Variants in SIM2 observed in about 807,000 individuals in gnomAD.
The protein encoded by SIM2 is SIM bHLH transcription factor 2.
Under a neutral mutation model 64.8 loss-of-function variants are expected in SIM2, and 28 were observed. The ratio of observed to expected loss-of-function variants is 0.43; its 90% CI spans 0.32 to 0.59. The LOEUF is 0.59. SIM2 is among the 20% of genes least tolerant of loss of function. SIM2 has a pLI of 0.07. For synonymous variants in SIM2, 408 were observed against 391.1 expected, an observed-to-expected ratio of 1.04 and a Z score of -0.51; for missense variants, 847 against 871.4, an observed-to-expected ratio of 0.97 and a Z score of 0.35.
intron 7 of SIM2, among the ~76,000 whole-genome samples, chr21:36,734,652 C>T (rs963568640): frequency 1.3e-5 from 2 of 152,162 alleles, no homozygotes; most frequent in Non-Finnish European, 2.9e-5. Context: ...TTGGTTCCAG[C>T]GTGGGAACCA....
At chr21:36,730,992 T>A (rs2088959277) in intron 6 of SIM2, 53 bp from the exon 7 acceptor site, 1 of 1,301,832 alleles carries the variant, frequency 7.7e-7, no homozygotes, top group South Asian at 1.2e-5. Context: ...TTAGTTTAAA[T>A]GAAAGGCAGT....
At chr21:36,700,207 A>G (rs549495410) in intron 1 of SIM2, among the ~76,000 whole-genome samples, 3 of 152,108 alleles carry the variant, frequency 2.0e-5, no homozygotes, top group African/African-American at 7.2e-5. Flanking sequence ...ACGGCCAGCG[A>G]GTTCTTTCTG....
intron 1 of SIM2, among the ~76,000 whole-genome samples, chr21:36,707,188 C>T (rs1314491039): frequency 6.6e-6 from 1 of 152,258 alleles, no homozygotes; most frequent in African/African-American, 2.4e-5. Context: ...GGACAGCTGC[C>T]AGGGTGCCTT....
intron 7 of SIM2, among the ~76,000 whole-genome samples, chr21:36,740,858 A>G (rs1236420080): frequency 6.6e-6 from 1 of 152,186 alleles, no homozygotes; most frequent in African/African-American, 2.4e-5. Flanking sequence ...GAGAAGCAGG[A>G]ATGTTCTGGA....
chr21:36,715,942 G>A (rs944350872), intron 3 of SIM2, among the ~76,000 whole-genome samples: 15 of 151,922 alleles, frequency 9.9e-5, no homozygotes, highest in African/African-American at 3.6e-4. Flanking sequence ...AGTGATTGTT[G>A]CTGCCAAACT....
Position 36,738,002 on chromosome 21 carries a change from A to C in SIM2, c.851-3715A>C, listed in dbSNP as rs115458802. Among the ~76,000 whole-genome samples, 1,155 of 150,476 alleles carry C rather than the reference A, an allele frequency of 7.7e-3. 19 individuals are homozygous for C. The highest frequency in any genetic ancestry group is 0.026 in the African/African-American group (1,072 of 41,022). On this transcript the variant is annotated intron_variant, in intron 7 of 10. Transcript: ENST00000290399. ...AAAAAAGCAAAAAAAAAGCAAAAAG[A>C]AAAAAGCATGGGGCCATATTCCTAA...
At chr21:36,727,481 C>T (rs1226385962) in intron 6 of SIM2, among the ~76,000 whole-genome samples, 2 of 152,236 alleles carry the variant, frequency 1.3e-5, no homozygotes, top group African/African-American at 2.4e-5. Context: ...AGGCCACGTG[C>T]TAGTCAGGCC....
At chr21:36,740,834 G>T (rs2089150332) in intron 7 of SIM2, among the ~76,000 whole-genome samples, 1 of 152,214 alleles carries the variant, frequency 6.6e-6, no homozygotes, top group African/African-American at 2.4e-5. Flanking sequence ...AGGTCCAGGG[G>T]CCAGTCCTGC....
chr21:36,707,175 A>G (rs1380387228), intron 1 of SIM2, among the ~76,000 whole-genome samples: 1 of 152,262 alleles, frequency 6.6e-6, no homozygotes, highest in East Asian at 1.9e-4. Flanking sequence ...GCAGCAGAGA[A>G]AAGGACAGCT....
intron 1 of SIM2, among the ~76,000 whole-genome samples, chr21:36,706,315 C>A (rs992242078): frequency 1.3e-5 from 2 of 152,210 alleles, no homozygotes; most frequent in African/African-American, 4.8e-5. Flanking sequence ...AGCACAGCGT[C>A]CCCACAGGTC....
At chr21:36,713,648 G>A (rs973770192) in intron 3 of SIM2, among the ~76,000 whole-genome samples, 3 of 152,186 alleles carry the variant, frequency 2.0e-5, no homozygotes, top group Non-Finnish European at 4.4e-5. Flanking sequence ...AAAACATGCC[G>A]ATTAATGTGG....
rs756229321 is a variant in SIM2 at position 36,743,446 on chromosome 21, A to C, written c.1058A>C (p.Gln353Pro). 6.2e-7 allele frequency: 1 copy of C among 1,614,104 alleles called. No homozygotes were observed. The highest frequency in any genetic ancestry group is 8.5e-7 in the Non-Finnish European group (1 of 1,179,958). Residue 353 changes from glutamine (Q) to proline (P), a missense_variant, in exon 9 of 11, where the codon CAG becomes CCG. Coordinates refer to ENST00000290399, the MANE Select transcript of SIM2 (RefSeq NM_005069.6). The stretch of plus-strand genomic sequence containing the variant: ...GAGCAGGTGTCCACTGCCAAGTCCC[A>C]GGACTCCTGGAGGACCGCCTTGTCT... The part of the protein sequence containing the change: ...SLEQVSTAKS[Q>P]DSWRTALSTS...
At chr21:36,739,575 A>G (rs372372769) in intron 7 of SIM2, among the ~76,000 whole-genome samples, 5 of 152,164 alleles carry the variant, frequency 3.3e-5, no homozygotes, top group Admixed American at 6.5e-5. Flanking sequence ...CAATATTGCA[A>G]TGAAACCCTT....
intron 7 of SIM2, among the ~76,000 whole-genome samples, chr21:36,739,224 T>C (rs1031347138): frequency 2.6e-5 from 4 of 152,232 alleles, no homozygotes; most frequent in Admixed American, 6.5e-5. Flanking sequence ...AAATAGATCA[T>C]CTAATCTTTC....
intron 7 of SIM2, among the ~76,000 whole-genome samples, chr21:36,736,313 C>T (rs1284983879): frequency 6.6e-6 from 1 of 152,066 alleles, no homozygotes; most frequent in East Asian, 1.9e-4. Context: ...CTCGCTTTCC[C>T]CACACCGGTA....
intron 1 of SIM2, among the ~76,000 whole-genome samples, chr21:36,703,482 C>T (rs2088535206): frequency 5.3e-5 from 8 of 152,182 alleles, no homozygotes; most frequent in Admixed American, 5.2e-4. Flanking sequence ...CCTGTGAGCT[C>T]CCCATATTCC....
At position 36,707,991 on chromosome 21, in the gene SIM2, G is replaced by A. The variant is rs550925774; in HGVS notation, c.176-1177G>A. 3.3e-5 allele frequency among the ~76,000 whole-genome samples: 5 copies of A among 152,084 alleles called. No homozygotes were observed. The East Asian group carries it at 9.7e-4, about 29-fold the overall frequency. ...TGGCCCAGCGTGGGTTGGGGCGGGG[G>A]ACGCGCCAGCAGCGCCCGCAGCTCG... On this transcript the variant is annotated intron_variant, in intron 1 of 10. Transcript: ENST00000290399.
chr21:36,715,834 G>A (rs1210342798), intron 3 of SIM2, among the ~76,000 whole-genome samples: 2 of 152,140 alleles, frequency 1.3e-5, no homozygotes, highest in Admixed American at 6.5e-5. Flanking sequence ...CCCATTCCAA[G>A]TCTTTTATTA....
At chr21:36,724,778 C>G (rs1457703963) in intron 5 of SIM2, among the ~76,000 whole-genome samples, 1 of 152,178 alleles carries the variant, frequency 6.6e-6, no homozygotes, top group Admixed American at 6.5e-5. Context: ...GAACAGAGAA[C>G]TTAAGGCTAA....
Sources: allele counts gnomAD v4.1 joint callset (sites outside exome capture counted in the v4.1 genomes callset), GRCh38; gene constraint gnomAD v4.1.1; transcripts MANE v1.5; gene names NCBI Gene and HGNC (gene_info 2026-07-23, HGNC 2026-07-21).